Variants in PAQR8 observed in about 807,000 individuals in gnomAD.
The protein encoded by PAQR8 is membrane progestin receptor beta.
Under a neutral mutation model 25.2 loss-of-function variants are expected in PAQR8, and 17 were observed. That is an observed-to-expected ratio of 0.67 (90% CI 0.46 to 1.01). PAQR8 has a LOEUF of 1.01. Among genes scored for constraint, PAQR8 ranks in the 50% least tolerant of loss-of-function variants. PAQR8 has a pLI of 0.00. For missense variants in PAQR8, 392 were observed against 448.4 expected (o/e 0.87, Z 1.14); for synonymous variants, 204 against 190.6 (o/e 1.07, Z -0.58).
chr6:52,392,887 A>G (rs184484836), intron 1 of PAQR8, among the ~76,000 whole-genome samples: 3 of 152,352 alleles, frequency 2.0e-5, no homozygotes, highest in Admixed American at 1.3e-4. Flanking sequence ...CTTAGGGAGT[A>G]TTGGAATCTG....
chr6:52,378,777 C>T (rs1233555773), intron 1 of PAQR8, among the ~76,000 whole-genome samples: 1 of 147,958 alleles, frequency 6.8e-6, no homozygotes, highest in East Asian at 2.0e-4. Flanking sequence ...GGCGACAGAG[C>T]AAGATTCTGT....
intron 1 of PAQR8, among the ~76,000 whole-genome samples, chr6:52,371,839 G>A (rs1763422989): frequency 6.6e-6 from 1 of 152,200 alleles, no homozygotes; most frequent in African/African-American, 2.4e-5. Flanking sequence ...AGATGAAGTG[G>A]CTAGTGCAAG....
At position 52,404,090 on chromosome 6, in the gene PAQR8, ACG is replaced by A; in HGVS notation, c.879_880del (p.Ser295ProfsTer74). 5 of 1,614,158 alleles carry A rather than the reference ACG, an allele frequency of 3.1e-6. No individual in the cohort carries two copies. Among genetic ancestry groups the A allele is most frequent in the Non-Finnish European group, 4.2e-6 (5 of 1,180,024 alleles). On this transcript the variant is annotated frameshift_variant, in exon 2 of 2. Coordinates refer to ENST00000442253, the MANE Select transcript of PAQR8 (RefSeq NM_133367.5). LOFTEE classifies it high-confidence loss of function. ...CTTCCATGCATTTCTGTCCATCTGT[ACG>A]CTCTCCCAGCTGGAGGCCATCCTCC... Reference protein sequence around the residue: ...QIFHAFLSICTLSQLEAILLD... With the variant: ...QIFHAFLSICXLSQLEAILLD...
chr6:52,392,915 G>A (rs1763726181), intron 1 of PAQR8, among the ~76,000 whole-genome samples: 1 of 152,200 alleles, frequency 6.6e-6, no homozygotes, highest in Non-Finnish European at 1.5e-5. Flanking sequence ...AGTAAACTCA[G>A]TGTCAAAGAT....
At chr6:52,376,894 C>A (rs1562428520) in intron 1 of PAQR8, among the ~76,000 whole-genome samples, 1 of 152,150 alleles carries the variant, frequency 6.6e-6, no homozygotes, top group Non-Finnish European at 1.5e-5. Context: ...TGCAACTTTT[C>A]AGTAGATACT....
At chr6:52,378,630 A>T (rs1190816407) in intron 1 of PAQR8, among the ~76,000 whole-genome samples, 2 of 151,652 alleles carry the variant, frequency 1.3e-5, no homozygotes, top group Non-Finnish European at 2.9e-5. Flanking sequence ...GTCTCTACTA[A>T]AAATACAAAA....
At chr6:52,364,083 G>GTT (rs67846872) in intron 1 of PAQR8, among the ~76,000 whole-genome samples, 6,103 of 84,202 alleles carry the variant, frequency 0.072, 818 homozygotes, top group South Asian at 0.11. Context: ...TGAAAGATAT[G>GTT]TTTTTTTTTT....
chr6:52,366,439 G>A (rs1763354838), intron 1 of PAQR8, among the ~76,000 whole-genome samples: 2 of 152,116 alleles, frequency 1.3e-5, no homozygotes, highest in South Asian at 4.1e-4. Flanking sequence ...AATTCATATG[G>A]ATTTTACTAC....
intron 1 of PAQR8, among the ~76,000 whole-genome samples, chr6:52,395,930 GCCAGACTT>G (rs1763762589): frequency 6.6e-6 from 1 of 152,200 alleles, no homozygotes; most frequent in South Asian, 2.1e-4. Flanking sequence ...AATACTAATA[GCCAGACTT>G]CCTGACTCCC....
intron 1 of PAQR8, among the ~76,000 whole-genome samples, chr6:52,364,297 T>C (rs1763327392): frequency 6.6e-6 from 1 of 152,120 alleles, no homozygotes; most frequent in Non-Finnish European, 1.5e-5. Flanking sequence ...ATTTATTCAT[T>C]TTACAAGAAT....
intron 1 of PAQR8, among the ~76,000 whole-genome samples, chr6:52,388,887 CACAGCAGGCTACAATA>C (rs1301039800): frequency 6.6e-6 from 1 of 152,160 alleles, no homozygotes; most frequent in Non-Finnish European, 1.5e-5. Context: ...TTTTGCCAGG[CACAGCAGGCTACAATA>C]ACATTGGCGA....
intron 1 of PAQR8, among the ~76,000 whole-genome samples, chr6:52,388,714 T>A (rs1763661749): frequency 6.6e-6 from 1 of 152,206 alleles, no homozygotes; most frequent in Non-Finnish European, 1.5e-5. Context: ...GAAAAATAGA[T>A]TTCTGTTGTT....
chr6:52,370,370 A>C (rs930686985), intron 1 of PAQR8, among the ~76,000 whole-genome samples: 1 of 152,154 alleles, frequency 6.6e-6, no homozygotes, highest in African/African-American at 2.4e-5. Flanking sequence ...ATTTACAGGG[A>C]TATTTTTGGC....
intron 1 of PAQR8, among the ~76,000 whole-genome samples, chr6:52,397,548 G>A (rs150943764): frequency 1.3e-5 from 2 of 152,286 alleles, no homozygotes; most frequent in African/African-American, 4.8e-5. Flanking sequence ...AGCTTCTTGA[G>A]GTAAAGGGTC....
chr6:52,382,676 T>C (rs941609474), intron 1 of PAQR8, among the ~76,000 whole-genome samples: 2 of 152,168 alleles, frequency 1.3e-5, no homozygotes, highest in African/African-American at 4.8e-5. Context: ...TAGATATAAC[T>C]ATAATTTCAA....
At chr6:52,395,287 A>G (rs1763755160) in intron 1 of PAQR8, among the ~76,000 whole-genome samples, 1 of 151,984 alleles carries the variant, frequency 6.6e-6, no homozygotes, top group Admixed American at 6.6e-5. Context: ...AAAAAAAAAA[A>G]AAAAAAGATT....
intron 1 of PAQR8, among the ~76,000 whole-genome samples, chr6:52,371,227 T>G (rs564674708): frequency 6.6e-6 from 1 of 152,314 alleles, no homozygotes; most frequent in Non-Finnish European, 1.5e-5. Flanking sequence ...CGCTTTTAGC[T>G]TCCCTAGAGA....
At chr6:52,363,894 T>TTGTTTC in intron 1 of PAQR8, among the ~76,000 whole-genome samples, 1 of 152,064 alleles carries the variant, frequency 6.6e-6, no homozygotes, top group African/African-American at 2.4e-5. Flanking sequence ...GTTTTTGTTT[T>TTGTTTC]TTATTTCTGC....
rs1394721316 is a variant in PAQR8, at chr6:52,404,658, G to A, written c.*380G>A. On this transcript the variant is annotated 3_prime_UTR_variant, in exon 2 of 2. Transcript: ENST00000442253. ...GGACTGGAAAGTAAGTAGGTGGCTG[G>A]TCCTCACCCTGTTGGAATGGCTATC... The A allele has an allele frequency of 5.0e-6, 1 of 199,086 alleles. No individual in the cohort carries two copies. Among genetic ancestry groups the A allele is most frequent in the Non-Finnish European group, 1.2e-5 (1 of 86,598 alleles). 12.3% of individuals were successfully genotyped at this position (199,086 alleles called of 1,614,324 possible).
Sources: gnomAD v4.1 joint callset for allele counts (sites outside exome capture counted in the v4.1 genomes callset) on GRCh38, gnomAD v4.1.1 for gene constraint, MANE v1.5 for transcripts, NCBI Gene and HGNC (gene_info 2026-07-23, HGNC 2026-07-21) for gene names.